Variants in NGEF observed in about 807,000 individuals in gnomAD.
The protein encoded by NGEF is ephexin-1.
NGEF carries 31 observed loss-of-function variants against 80.9 expected under a neutral mutation model. That is an observed-to-expected ratio of 0.38 (90% CI 0.29 to 0.52). The LOEUF (loss-of-function observed/expected upper bound fraction) is 0.52, where lower values mean the gene tolerates loss of function less well. Among genes scored for constraint, NGEF ranks in the 20% least tolerant of loss-of-function variants. NGEF has a pLI of 0.84. For missense variants in NGEF, 709 were observed against 926.2 expected, an observed-to-expected ratio of 0.77 and a Z score of 3.04; for synonymous variants, 371 against 370.2, an observed-to-expected ratio of 1.00 and a Z score of -0.03.
rs200595468 is a variant in NGEF, at chr2:232,884,162, C to T, written c.1438-18G>A. On this transcript the variant is annotated intron_variant, in intron 10 of 14. Transcript: ENST00000264051. ...GGCACCGACTGCAGCGGGGAAAGGG[C>T]ATCAGGCAGGCTGTGCCCACAATGT... The T allele has an allele frequency of 1.3e-3, 2,001 of 1,572,376 alleles. 4 individuals are homozygous for T. The highest frequency in any genetic ancestry group is 1.7e-3 in the Middle Eastern group (10 of 5,872).
At chr2:232,891,819 G>A (rs1200057214) in intron 7 of NGEF, among the ~76,000 whole-genome samples, 2 of 152,188 alleles carry the variant, frequency 1.3e-5, no homozygotes, top group African/African-American at 2.4e-5. Context: ...GTAAACCCAC[G>A]TAGTGACAGG....
At chr2:232,956,354 TA>T (rs1177509272) in intron 3 of NGEF, among the ~76,000 whole-genome samples, 1 of 152,140 alleles carries the variant, frequency 6.6e-6, no homozygotes, top group Non-Finnish European at 1.5e-5. Flanking sequence ...CATCTTACAT[TA>T]AGAATTCAAA....
intron 1 of NGEF, among the ~76,000 whole-genome samples, chr2:232,979,357 TACACACACACAC>T (rs375393249): frequency 4.5e-5 from 5 of 110,386 alleles, no homozygotes; most frequent in South Asian, 5.2e-4. Context: ...GAGATGATTT[TACACACACACAC>T]ACACACACAC....
chr2:233,000,356 C>T (rs964843091), intron 1 of NGEF, among the ~76,000 whole-genome samples: 2 of 152,160 alleles, frequency 1.3e-5, no homozygotes, highest in Non-Finnish European at 1.5e-5. Context: ...TTTGGCCTCC[C>T]AAAGTGCTGG....
chr2:232,937,152 G>T (rs574209295), intron 3 of NGEF, among the ~76,000 whole-genome samples: 1 of 152,076 alleles, frequency 6.6e-6, no homozygotes, highest in Non-Finnish European at 1.5e-5. Context: ...ATTTTTAGTA[G>T]AGATGGGGTT....
At chr2:232,947,796 G>A (rs190910362) in intron 3 of NGEF, among the ~76,000 whole-genome samples, 1 of 152,202 alleles carries the variant, frequency 6.6e-6, no homozygotes, top group African/African-American at 2.4e-5. Flanking sequence ...TTCACAATGG[G>A]GCCATTCTAC....
At chr2:233,002,550 G>A (rs1023741370) in intron 1 of NGEF, among the ~76,000 whole-genome samples, 5 of 152,216 alleles carry the variant, frequency 3.3e-5, no homozygotes, top group East Asian at 1.9e-4. Context: ...GGTGGTGCAC[G>A]CTTGTAGTCC....
intron 5 of NGEF, among the ~76,000 whole-genome samples, chr2:232,916,227 T>G (rs1692799762): frequency 1.3e-5 from 2 of 152,248 alleles, no homozygotes; most frequent in Admixed American, 6.5e-5. Context: ...TGTCAGCTTT[T>G]TGCCACGCAC....
chr2:232,883,437 G>A lies in NGEF; in HGVS notation c.1631C>T (p.Pro544Leu), dbSNP rs141871026. 2.6e-4 allele frequency: 421 copies of A among 1,607,210 alleles called. No individual in the cohort carries two copies. The highest frequency in any genetic ancestry group is 3.4e-4 in the Non-Finnish European group (399 of 1,177,052). ...CTCCTCCACACGCAGCAGTCCCCGC[G>A]GAGCTGAGTCAAATACCTGGTACTT... ...GDKYQVFDSA[P>L]RGLLRVEELE... Residue 544 changes from proline to leucine, a missense_variant, in exon 12 of 15, where the codon CCG becomes CTG. Physicochemically the swap from Pro to Leu is moderately conservative, Grantham distance 98 (BLOSUM62 -3). This residue lies in a region of NGEF where 426 missense variants were observed against 622.9 expected (regional missense o/e 0.68). Transcript: ENST00000264051.
chr2:233,008,560 C>G (rs1404069588), intron 1 of NGEF, among the ~76,000 whole-genome samples: 1 of 152,192 alleles, frequency 6.6e-6, no homozygotes, highest in Non-Finnish European at 1.5e-5. Context: ...GGTCAAGGGC[C>G]TTAGGCCCAG....
intron 3 of NGEF, among the ~76,000 whole-genome samples, chr2:232,956,154 C>A (rs936940428): frequency 2.0e-5 from 3 of 152,058 alleles, no homozygotes; most frequent in Admixed American, 6.6e-5. Context: ...GATTTATTTA[C>A]CCGAGGCCAC....
intron 3 of NGEF, among the ~76,000 whole-genome samples, chr2:232,930,264 C>G (rs1693191196): frequency 6.6e-6 from 1 of 151,680 alleles, no homozygotes. Context: ...CTGCTGACTT[C>G]TTATGGTAGC....
At chr2:232,900,895 C>CT (rs1491383162) in intron 5 of NGEF, among the ~76,000 whole-genome samples, 1 of 152,262 alleles carries the variant, frequency 6.6e-6, no homozygotes, top group East Asian at 1.9e-4. Context: ...AGCAGGCCCC[C>CT]TCTCAGGCAG....
rs1375091822 is a variant in NGEF, at chr2:233,011,664, C to T, written c.-75+1404G>A. On this transcript the variant is annotated intron_variant, in intron 1 of 14. Transcript: ENST00000264051. ...TTGGAATGCAGTGATATGATCATAG[C>T]CCACCGCATGACTTCTGGGCTCAAG... is the stretch of plus-strand genomic sequence containing the variant. Among the ~76,000 whole-genome samples, 3 of 152,028 alleles carry T rather than the reference C, an allele frequency of 2.0e-5. No individual in the cohort carries two copies. The East Asian group carries it at 5.8e-4, about 29-fold the overall frequency.
intron 3 of NGEF, among the ~76,000 whole-genome samples, chr2:232,969,487 T>TCCTTCCTC (rs1559229015): frequency 2.7e-5 from 3 of 112,384 alleles, no homozygotes; most frequent in Admixed American, 9.7e-5. Flanking sequence ...CTTCCTTCCT[T>TCCTTCCTC]CCTCCCTCCC....
At chr2:232,905,170 T>G (rs1038010576) in intron 5 of NGEF, among the ~76,000 whole-genome samples, 11 of 152,138 alleles carry the variant, frequency 7.2e-5, no homozygotes, top group African/African-American at 2.7e-4. Flanking sequence ...TGGACTGTCC[T>G]GCTGCCATCT....
rs1488501506 is a variant in NGEF, at chr2:232,882,424, C to T, written c.1758-159G>A. ...GGACAGCTCGGGGGAGCCACAGAAA[C>T]GGGCTGGTCCAGGGTCTGACACATA... is the stretch of plus-strand genomic sequence containing the variant. On this transcript the variant is annotated intron_variant, in intron 12 of 14. Coordinates refer to ENST00000264051, the MANE Select transcript of NGEF (RefSeq NM_019850.3). 6.6e-5 allele frequency among the ~76,000 whole-genome samples: 10 copies of T among 152,232 alleles called. No individual in the cohort carries two copies. In the South Asian group the frequency reaches 1.0e-3, roughly 16 times the overall value.
intron 3 of NGEF, among the ~76,000 whole-genome samples, chr2:232,937,385 C>T (rs1045762986): frequency 1.3e-5 from 2 of 152,234 alleles, no homozygotes; most frequent in African/African-American, 4.8e-5. Context: ...TTTCCTCACA[C>T]ATGTCTGACC....
At chr2:233,005,828 G>A (rs2001320) in intron 1 of NGEF, among the ~76,000 whole-genome samples, 15,043 of 151,946 alleles carry the variant, frequency 0.099, 1,286 homozygotes, top group African/African-American at 0.23. Flanking sequence ...TTTTGTTTTG[G>A]TTTTTTGAGA....
Sources: allele counts gnomAD v4.1 joint callset (sites outside exome capture counted in the v4.1 genomes callset), GRCh38; gene constraint gnomAD v4.1.1; regional missense constraint gnomAD v4.1.1; transcripts MANE v1.5; gene names NCBI Gene and HGNC (gene_info 2026-07-23, HGNC 2026-07-21).